ZNF131: variants seen among roughly 807,000 people sequenced by gnomAD.
ZNF131 encodes zinc finger and BTB domain containing 35.
Under a neutral mutation model 60.0 loss-of-function variants are expected in ZNF131, and 7 were observed. The ratio of observed to expected loss-of-function variants is 0.12; its 90% CI spans 0.07 to 0.22. ZNF131 has a LOEUF of 0.22. Among genes scored for constraint, ZNF131 ranks in the 10% least tolerant of loss-of-function variants. The pLI, the probability that ZNF131 is intolerant of heterozygous loss-of-function variation, is 1.00. For missense variants in ZNF131, 493 were observed against 740.9 expected (o/e 0.67, Z 3.88); for synonymous variants, 257 against 253.2 (o/e 1.01, Z -0.14).
intron 5 of ZNF131, among the ~76,000 whole-genome samples, chr5:43,172,236 C>G (rs548366693): frequency 1.3e-5 from 2 of 152,346 alleles, no homozygotes; most frequent in Admixed American, 6.5e-5. Context: ...GCTGTTTTAA[C>G]TTGGTGTTTC....
At chr5:43,140,369 G>A (rs943914359) in intron 4 of ZNF131, among the ~76,000 whole-genome samples, 1 of 152,220 alleles carries the variant, frequency 6.6e-6, no homozygotes, top group African/African-American at 2.4e-5. Flanking sequence ...TTCTACCACT[G>A]TGTGGCCTTA....
At chr5:43,159,931 T>C (rs1417852441) in intron 4 of ZNF131, among the ~76,000 whole-genome samples, 2 of 151,890 alleles carry the variant, frequency 1.3e-5, no homozygotes, top group Non-Finnish European at 2.9e-5. Flanking sequence ...TCCCAGCACT[T>C]TGGGGGAGGC....
intron 3 of ZNF131, among the ~76,000 whole-genome samples, chr5:43,134,148 C>A (rs1478825210): frequency 6.6e-6 from 1 of 152,134 alleles, no homozygotes. Flanking sequence ...CAGACTGATT[C>A]TAACAGCAAG....
chr5:43,157,755 T>TC (rs1486347542), intron 4 of ZNF131, among the ~76,000 whole-genome samples: 3 of 152,198 alleles, frequency 2.0e-5, no homozygotes, highest in Non-Finnish European at 1.5e-5. Flanking sequence ...AGTGCCATGA[T>TC]CCCTCCCAAG....
intron 4 of ZNF131, among the ~76,000 whole-genome samples, chr5:43,149,231 A>G (rs1231679561): frequency 2.0e-5 from 3 of 151,060 alleles, no homozygotes; most frequent in African/African-American, 7.3e-5. Context: ...AGATCGTGCC[A>G]TTGCACTCCA....
intron 3 of ZNF131, among the ~76,000 whole-genome samples, chr5:43,130,264 CAA>C (rs570313526): frequency 2.6e-4 from 18 of 68,384 alleles, no homozygotes; most frequent in South Asian, 1.7e-3. Flanking sequence ...ACTCTGTCTC[CAA>C]AAAAAAAAAA....
chr5:43,128,065 TCC>T (rs1414983966), intron 3 of ZNF131, among the ~76,000 whole-genome samples: 3 of 152,198 alleles, frequency 2.0e-5, no homozygotes, highest in Non-Finnish European at 4.4e-5. Flanking sequence ...ACAATGCTGC[TCC>T]CTTTTACTCC....
Position 43,161,269 on chromosome 5 carries a change from C to T in ZNF131, c.392C>T (p.Pro131Leu), listed in dbSNP as rs1749661349. ...TTCAGGAACAAAGAAAACTCAGCTC[C>T]CTTAGAGGAAAATACCACAGGAAAA... ...LEVRNKENSA[P>L]LEENTTGKNE... Residue 131 changes from proline (P) to leucine (L), a missense_variant, in exon 5 of 7, where the codon CCC becomes CTC. This residue lies in a region of ZNF131 where 138 missense variants were observed against 158.7 expected (regional missense o/e 0.87). Transcript: ENST00000682664. The T allele has an allele frequency of 3.1e-6, 5 of 1,609,968 alleles. No homozygotes were observed. The African/African-American group carries it at 5.4e-5, about 17-fold the overall frequency.
In ZNF131 at chr5:43,140,077, A is replaced by G. The variant is rs1203007170; in HGVS notation, c.371+768A>G. 2.7e-5 allele frequency among the ~76,000 whole-genome samples: 4 copies of G among 149,752 alleles called. No homozygotes were observed. In the East Asian group the frequency reaches 6.0e-4, roughly 22 times the overall value. ...CAAAAAATACAAAAATTAGCTGGGC[A>G]TGGTAGTGCATGCCTGTGGTCCCAG... is the stretch of plus-strand genomic sequence containing the variant. On this transcript the variant is annotated intron_variant, in intron 4 of 6. Transcript: ENST00000682664.
At chr5:43,137,111 T>C (rs1746216216) in intron 3 of ZNF131, among the ~76,000 whole-genome samples, 1 of 152,138 alleles carries the variant, frequency 6.6e-6, no homozygotes, top group Non-Finnish European at 1.5e-5. Context: ...GTAAATCTCC[T>C]GGAAGAAAAC....
intron 4 of ZNF131, among the ~76,000 whole-genome samples, chr5:43,145,447 G>C (rs1465674669): frequency 1.3e-5 from 2 of 152,130 alleles, no homozygotes; most frequent in African/African-American, 4.8e-5. Flanking sequence ...GAGGTCAGGA[G>C]TTTGAGACCA....
At chr5:43,153,852 C>A (rs759698110) in intron 4 of ZNF131, among the ~76,000 whole-genome samples, 46 of 152,150 alleles carry the variant, frequency 3.0e-4, no homozygotes, top group Non-Finnish European at 5.3e-4. Context: ...AGTCAGAAAT[C>A]ATTTTGAGTC....
rs1365917852 is a variant in ZNF131 at position 43,173,412 on chromosome 5, G to T, written c.1149G>T (p.Gly383=). 6.2e-7 allele frequency: 1 copy of T among 1,613,128 alleles called. No individual in the cohort carries two copies. The highest frequency in any genetic ancestry group is 1.1e-5 in the South Asian group (1 of 91,020). Residue 383 remains glycine (G), a synonymous_variant, in exon 6 of 7, where the codon GGG becomes GGT. Transcript: ENST00000682664. ...TCACTGCATGCCAAACTGGAGTAGG[G>T]GCAAAAAAAGGAAGGAAGAAGCTCT... is the stretch of plus-strand genomic sequence containing the variant. ...CHLTACQTGV[G]AKKGRKKLYE...
chr5:43,131,594 A>C (rs142891975), intron 3 of ZNF131, among the ~76,000 whole-genome samples: 100 of 152,328 alleles, frequency 6.6e-4, no homozygotes, highest in African/African-American at 2.3e-3. Flanking sequence ...CAGAGGAACG[A>C]TCATGAAATT....
chr5:43,169,988 C>A (rs1237860489), intron 5 of ZNF131, among the ~76,000 whole-genome samples: 1 of 152,032 alleles, frequency 6.6e-6, no homozygotes, highest in East Asian at 1.9e-4. Flanking sequence ...GACGGGGTTT[C>A]ACTATGTTGG....
chr5:43,144,324 G>A (rs571836627), intron 4 of ZNF131, among the ~76,000 whole-genome samples: 3 of 126,426 alleles, frequency 2.4e-5, no homozygotes, highest in Admixed American at 9.9e-5. Context: ...CGCCTGCCAG[G>A]TTCAAGTGAT....
chr5:43,171,015 G>A (rs1322650672), intron 5 of ZNF131, among the ~76,000 whole-genome samples: 3 of 150,886 alleles, frequency 2.0e-5, no homozygotes, highest in Non-Finnish European at 2.9e-5. Flanking sequence ...CCTGTTCTCG[G>A]CTCACTGCAA....
chr5:43,147,242 AT>A (rs1340084189), intron 4 of ZNF131, among the ~76,000 whole-genome samples: 2 of 150,980 alleles, frequency 1.3e-5, no homozygotes, highest in Non-Finnish European at 3.0e-5. Context: ...TTTTTTTAAG[AT>A]TTTATCTATT....
At chr5:43,135,076 C>A (rs1430219132) in intron 3 of ZNF131, among the ~76,000 whole-genome samples, 11 of 149,494 alleles carry the variant, frequency 7.4e-5, no homozygotes, top group African/African-American at 2.2e-4. Context: ...TCGGCTCCCC[C>A]CAACCTCCGC....
Sources: gnomAD v4.1 joint callset for allele counts (sites outside exome capture counted in the v4.1 genomes callset) on GRCh38, gnomAD v4.1.1 for gene constraint, gnomAD v4.1.1 regional missense constraint, MANE v1.5 for transcripts, NCBI Gene and HGNC (gene_info 2026-07-23, HGNC 2026-07-21) for gene names.